Variants in SLC9C1 observed in about 807,000 individuals in gnomAD.
SLC9C1 encodes the protein sodium/hydrogen exchanger 10.
Under a neutral mutation model 140.9 loss-of-function variants are expected in SLC9C1, and 97 were observed. The observed-to-expected ratio is 0.69, with a 90% CI of 0.58 to 0.82. The LOEUF is 0.82. SLC9C1 is among the 40% of genes least tolerant of loss of function. SLC9C1 has a pLI of 0.00. For synonymous variants in SLC9C1, 440 were observed against 442.6 expected (o/e 0.99, Z 0.07); for missense variants, 1,340 against 1,389.3 (o/e 0.96, Z 0.56).
chr3:112,161,811 T>G (rs200903434), intron 26 of SLC9C1, among the ~76,000 whole-genome samples: 1 of 151,216 alleles, frequency 6.6e-6, no homozygotes, highest in Non-Finnish European at 1.5e-5. Context: ...GTGAAGAAAG[T>G]CATTGGTAGC....
intron 28 of SLC9C1, among the ~76,000 whole-genome samples, chr3:112,142,716 T>TA (rs955704476): frequency 8.6e-5 from 13 of 151,780 alleles, no homozygotes; most frequent in East Asian, 5.8e-4. Flanking sequence ...TGGGCAATAA[T>TA]AAAAAAAAAT....
intron 20 of SLC9C1, among the ~76,000 whole-genome samples, chr3:112,186,990 ACTTT>A (rs2077552821): frequency 6.6e-6 from 1 of 152,168 alleles, no homozygotes; most frequent in African/African-American, 2.4e-5. Context: ...TGCAAGATAA[ACTTT>A]CTTTATGATC....
chr3:112,177,293 C>T (rs1469535277), intron 23 of SLC9C1, among the ~76,000 whole-genome samples: 4 of 151,834 alleles, frequency 2.6e-5, no homozygotes, highest in Admixed American at 1.3e-4. Flanking sequence ...AGGCGTGACC[C>T]GCCACACCTT....
intron 26 of SLC9C1, among the ~76,000 whole-genome samples, chr3:112,161,644 A>C (rs2075302866): frequency 6.6e-6 from 1 of 152,028 alleles, no homozygotes; most frequent in South Asian, 2.1e-4. Flanking sequence ...CTGTTTTGGT[A>C]CCAGTACCAT....
In SLC9C1 at chr3:112,278,773, C is replaced by T; in HGVS notation, c.274G>A (p.Ala92Thr). The T allele has an allele frequency of 6.2e-7, 1 of 1,610,416 alleles. No homozygotes were observed. Among genetic ancestry groups the T allele is most frequent in the South Asian group, 1.1e-5 (1 of 90,586 alleles). ...AGCATGTACGTATCCATGTCAAATG[C>T]AGTAGTAAAGAAAACTACTGGTGTA... ...IFTPVVFFTT[A>T]FDMDTYMLQK... is the part of the protein sequence containing the mutation. Residue 92 changes from alanine (A) to threonine (T), a missense_variant, in exon 4 of 29, where the codon GCA becomes ACA. Transcript: ENST00000305815.
intron 14 of SLC9C1, among the ~76,000 whole-genome samples, chr3:112,218,316 C>T (rs1290837285): frequency 6.6e-6 from 1 of 151,996 alleles, no homozygotes; most frequent in African/African-American, 2.4e-5. Flanking sequence ...GAGAGTAAGG[C>T]TCTGCCCTTG....
At chr3:112,283,477 T>TAAA (rs200690332) in intron 2 of SLC9C1, among the ~76,000 whole-genome samples, 983 of 80,508 alleles carry the variant, frequency 0.012, 15 homozygotes, top group African/African-American at 0.039. Context: ...ACCCTATCTC[T>TAAA]AAAAAAAAAA....
chr3:112,243,879 C>T (rs764685444), intron 11 of SLC9C1, 116 bp downstream of exon 11: 25 of 634,096 alleles, frequency 3.9e-5, no homozygotes, highest in African/African-American at 1.5e-4. Flanking sequence ...TTTGTAGAGA[C>T]GGGGGTCTCA....
Position 112,240,009 on chromosome 3 carries a change from T to C in SLC9C1, c.1280-3A>G. On this transcript the variant is annotated splice_polypyrimidine_tract_variant and splice_region_variant and intron_variant, in intron 11 of 28. Coordinates refer to ENST00000305815, the MANE Select transcript of SLC9C1 (RefSeq NM_183061.3). The stretch of plus-strand genomic sequence containing the variant: ...TGTTGATGTGGCATCACGAAGACCT[T>C]TGATACAAACACACATTTGATAAAT... 1 of 1,607,438 alleles carries C rather than the reference T, an allele frequency of 6.2e-7. No individual in the cohort carries two copies. Among genetic ancestry groups the C allele is most frequent in the Non-Finnish European group, 8.5e-7 (1 of 1,176,638 alleles).
rs1163684539 is a variant in SLC9C1, at chr3:112,184,489, TAGC to T, written c.2524-2234_2524-2232del. On this transcript the variant is annotated intron_variant, in intron 20 of 28. Transcript: ENST00000305815. ...CCCATCTCTACTAAAAATAAAAAAT[TAGC>T]AGGCATGGTGGTGCTTGCCTGTAAT... Among the ~76,000 whole-genome samples the T allele has an allele frequency of 1.6e-4, 23 of 147,330 alleles. No homozygotes were observed. The Middle Eastern group carries it at 0.01, about 66-fold the overall frequency.
intron 20 of SLC9C1, among the ~76,000 whole-genome samples, chr3:112,183,344 C>CTTTT (rs1159788975): frequency 2.4e-4 from 5 of 20,962 alleles, no homozygotes; most frequent in Non-Finnish European, 3.2e-4. Context: ...TATTTAGCAC[C>CTTTT]TTTTCTTTTT....
rs987007397 is a variant in SLC9C1, at chr3:112,234,986, C to G, written c.1447-3500G>C. On this transcript the variant is annotated intron_variant, in intron 12 of 28. Coordinates refer to ENST00000305815, the MANE Select transcript of SLC9C1 (RefSeq NM_183061.3). Reference sequence around the variant, plus strand: ...CTCTTTTTTGGTTCCACATGAACTTCAAAGTAGATTTTTCCAATTCTGTGA... The same window carrying G: ...CTCTTTTTTGGTTCCACATGAACTTGAAAGTAGATTTTTCCAATTCTGTGA... Among the ~76,000 whole-genome samples the G allele has an allele frequency of 1.3e-4, 20 of 151,548 alleles. No homozygotes were observed. In the East Asian group the frequency reaches 3.9e-3, roughly 29 times the overall value.
intron 13 of SLC9C1, among the ~76,000 whole-genome samples, chr3:112,230,156 A>G (rs967567050): frequency 6.6e-6 from 1 of 152,084 alleles, no homozygotes; most frequent in African/African-American, 2.4e-5. Context: ...CTACTCTGAA[A>G]TCCTGGTCTA....
At chr3:112,164,729 G>A (rs2077082407) in intron 26 of SLC9C1, among the ~76,000 whole-genome samples, 1 of 151,562 alleles carries the variant, frequency 6.6e-6, no homozygotes, top group African/African-American at 2.4e-5. Context: ...TTCAACTTTG[G>A]TGAATCTGAC....
chr3:112,273,676 G>A (rs2080138293), intron 6 of SLC9C1, among the ~76,000 whole-genome samples: 1 of 152,216 alleles, frequency 6.6e-6, no homozygotes, highest in Non-Finnish European at 1.5e-5. Flanking sequence ...CAGGGTCCCT[G>A]GTTGCACAAC....
Position 112,200,969 on chromosome 3 carries a change from C to A in SLC9C1, c.2323-207G>T, listed in dbSNP as rs1054117286. 2.0e-4 allele frequency among the ~76,000 whole-genome samples: 31 copies of A among 151,948 alleles called. 1 individual carries two copies. The highest frequency in any genetic ancestry group is 1.5e-5 in the Non-Finnish European group (1 of 67,938). On this transcript the variant is annotated intron_variant, in intron 18 of 28. Transcript: ENST00000305815. ...AGAGAAGATAAGAGGTATAACCTAG[C>A]CCAATTTTGAGACATCTGAAGGTGA...
intron 20 of SLC9C1, among the ~76,000 whole-genome samples, chr3:112,184,526 C>T (rs2077496303): frequency 6.6e-6 from 1 of 151,404 alleles, no homozygotes; most frequent in African/African-American, 2.4e-5. Flanking sequence ...ATCCCAGCTA[C>T]TCGGAAGGCT....
intron 16 of SLC9C1, 60 bp downstream of exon 16, chr3:112,208,118 G>T: frequency 1.5e-6 from 2 of 1,317,450 alleles, no homozygotes; most frequent in Non-Finnish European, 2.0e-6. Flanking sequence ...GAAAAACAAG[G>T]CTAGGAAATC....
chr3:112,279,002 C>T lies in SLC9C1; in HGVS notation c.190-145G>A, dbSNP rs1211682468. On this transcript the variant is annotated intron_variant, in intron 3 of 28. Transcript: ENST00000305815. ...AAGGAGTAAGTGATCGTATCAAATTCTAGAAACTACAAATAATTGGCCATG... is the reference window on the plus strand; with the variant it reads ...AAGGAGTAAGTGATCGTATCAAATTTTAGAAACTACAAATAATTGGCCATG... 2.4e-5 allele frequency: 17 copies of T among 703,872 alleles called. No homozygotes were observed. The East Asian group carries it at 5.5e-4, about 23-fold the overall frequency. The allele number at this position is 703,872 out of a possible 1,614,324, so 43.6% of individuals were successfully genotyped here. A position where few individuals can be genotyped will look rare whatever the true frequency, so the allele number is the denominator to read the frequency against.
Sources: allele counts gnomAD v4.1 joint callset (sites outside exome capture counted in the v4.1 genomes callset), GRCh38; gene constraint gnomAD v4.1.1; transcripts MANE v1.5; gene names NCBI Gene and HGNC (gene_info 2026-07-23, HGNC 2026-07-21).